Variants in DYNC1I1 observed in about 807,000 individuals in gnomAD.
DYNC1I1 encodes cytoplasmic dynein 1 intermediate chain 1.
A neutral mutation model predicts 86.6 loss-of-function variants in DYNC1I1; 43 were observed. The observed-to-expected ratio is 0.50, with a 90% confidence interval of 0.39 to 0.64. The LOEUF is 0.64. Among genes scored for constraint, DYNC1I1 ranks in the 30% least tolerant of loss-of-function variants. The probability of loss-of-function intolerance (pLI) is 0.00; values close to 1 mark genes in which losing one functional copy is unlikely to be tolerated. For missense variants in DYNC1I1, 604 were observed against 788.8 expected (o/e 0.77, Z 2.81); for synonymous variants, 262 against 283.7 (o/e 0.92, Z 0.77).
chr7:95,908,121 C>G (rs1791224065), intron 6 of DYNC1I1, among the ~76,000 whole-genome samples: 1 of 152,112 alleles, frequency 6.6e-6, no homozygotes, highest in Admixed American at 6.6e-5. Context: ...TCATGAAATG[C>G]TCTTTTTAAC....
chr7:95,879,891 CTT>C (rs1790407969), intron 6 of DYNC1I1, among the ~76,000 whole-genome samples: 1 of 152,096 alleles, frequency 6.6e-6, no homozygotes, highest in Non-Finnish European at 1.5e-5. Flanking sequence ...ATGTAACTAA[CTT>C]ATCAATGGTT....
chr7:96,033,876 A>G (rs1345645231), intron 12 of DYNC1I1, among the ~76,000 whole-genome samples: 2 of 152,104 alleles, frequency 1.3e-5, no homozygotes, highest in Non-Finnish European at 2.9e-5. Flanking sequence ...TGGGTGTGCT[A>G]GCACATGTCT....
intron 5 of DYNC1I1, among the ~76,000 whole-genome samples, chr7:95,836,907 G>A (rs1281293814): frequency 6.6e-6 from 1 of 151,380 alleles, no homozygotes; most frequent in Non-Finnish European, 1.5e-5. Flanking sequence ...TTTGCCTTTG[G>A]TTTGAATGTC....
chr7:95,971,275 G>A (rs1288407798), intron 6 of DYNC1I1, among the ~76,000 whole-genome samples: 4 of 152,016 alleles, frequency 2.6e-5, no homozygotes, highest in Admixed American at 2.6e-4. Flanking sequence ...TGAGACAAAA[G>A]GCATTACGCA....
intron 6 of DYNC1I1, among the ~76,000 whole-genome samples, chr7:95,945,828 A>G (rs114290425): frequency 0.017 from 2,567 of 152,300 alleles, 85 homozygotes; most frequent in African/African-American, 0.058. Flanking sequence ...GGAATGATAT[A>G]TTCTATTATA....
At chr7:96,081,145 G>A (rs543347143) in intron 16 of DYNC1I1, among the ~76,000 whole-genome samples, 32 of 151,332 alleles carry the variant, frequency 2.1e-4, no homozygotes, top group Non-Finnish European at 4.6e-4. Flanking sequence ...AGTTTTGGTT[G>A]GTATGTTCAA....
At chr7:96,030,372 G>GTA (rs1794781029) in intron 11 of DYNC1I1, among the ~76,000 whole-genome samples, 1 of 145,580 alleles carries the variant, frequency 6.9e-6, no homozygotes, top group Non-Finnish European at 1.5e-5. Context: ...GTGTGTGTGT[G>GTA]TGTGTAGGCA....
intron 16 of DYNC1I1, among the ~76,000 whole-genome samples, chr7:96,089,459 GT>G (rs1331103667): frequency 6.6e-6 from 1 of 152,090 alleles, no homozygotes; most frequent in Non-Finnish European, 1.5e-5. Flanking sequence ...TAGCCTCCAA[GT>G]TGGCTACAGA....
At chr7:95,986,975 G>A in intron 8 of DYNC1I1, 81 bp from the exon 9 acceptor site, 1 of 1,265,940 alleles carries the variant, frequency 7.9e-7, no homozygotes, top group South Asian at 1.3e-5. Context: ...TGTGTGCCAG[G>A]CTTTTGCCAT....
intron 5 of DYNC1I1, among the ~76,000 whole-genome samples, chr7:95,857,483 G>C (rs1280198412): frequency 6.6e-6 from 1 of 152,174 alleles, no homozygotes; most frequent in African/African-American, 2.4e-5. Flanking sequence ...TGGAAGAGGA[G>C]CTGGGTCATG....
chr7:96,098,609 GT>G (rs1033721757), downstream of DYNC1I1, among the ~76,000 whole-genome samples: 1 of 152,120 alleles, frequency 6.6e-6, no homozygotes, highest in East Asian at 1.9e-4. Flanking sequence ...AATGTGTGTG[GT>G]TTTTTTGGAA....
chr7:95,945,205 G>A (rs1163441445), intron 6 of DYNC1I1, among the ~76,000 whole-genome samples: 1 of 151,932 alleles, frequency 6.6e-6, no homozygotes, highest in Non-Finnish European at 1.5e-5. Context: ...TATGTATTTG[G>A]AGGTAGAGGG....
intron 6 of DYNC1I1, among the ~76,000 whole-genome samples, chr7:95,960,225 G>T (rs996332328): frequency 6.6e-6 from 1 of 152,118 alleles, no homozygotes; most frequent in South Asian, 2.1e-4. Flanking sequence ...AACTGCCTCA[G>T]CCTCCCGAGT....
intron 1 of DYNC1I1, among the ~76,000 whole-genome samples, chr7:95,796,808 G>C (rs1315083081): frequency 6.6e-6 from 1 of 151,794 alleles, no homozygotes; most frequent in African/African-American, 2.4e-5. Flanking sequence ...GGAACCCCTA[G>C]GGGTTCCCCA....
intron 14 of DYNC1I1, among the ~76,000 whole-genome samples, chr7:96,068,580 G>C (rs1790064837): frequency 6.6e-6 from 1 of 151,990 alleles, no homozygotes. Flanking sequence ...GATAAATCTG[G>C]GCACTTGGGT....
At chr7:96,060,104 C>T (rs1441254928) in intron 14 of DYNC1I1, among the ~76,000 whole-genome samples, 1 of 152,160 alleles carries the variant, frequency 6.6e-6, no homozygotes, top group Non-Finnish European at 1.5e-5. Flanking sequence ...CAAGTGGATG[C>T]TTCACTGAAA....
rs1401476355 is a variant in DYNC1I1 at position 95,804,482 on chromosome 7, CCTTGTATTT to C, written c.-9-235_-9-227del. The C allele has an allele frequency of 4.6e-6, 4 of 877,964 alleles. No homozygotes were observed. The African/African-American group carries it at 6.9e-5, about 15-fold the overall frequency. The allele number at this position is 877,964 out of a possible 1,614,324, so 54.4% of individuals were successfully genotyped here. ...GATTCTTGCTTAGGCCACATAATAA[CCTTGTATTT>C]CTTCAGATATTTATGTATATATACC... On this transcript the variant is annotated intron_variant, in intron 1 of 16. Transcript: ENST00000447467.
At chr7:96,048,084 T>A (rs1789273748) in intron 14 of DYNC1I1, among the ~76,000 whole-genome samples, 1 of 152,014 alleles carries the variant, frequency 6.6e-6, no homozygotes, top group South Asian at 2.1e-4. Flanking sequence ...CTGTTAACGA[T>A]GATGGGAACT....
chr7:95,893,226 A>G (rs1427117383), intron 6 of DYNC1I1, among the ~76,000 whole-genome samples: 1 of 152,186 alleles, frequency 6.6e-6, no homozygotes, highest in East Asian at 1.9e-4. Context: ...CAGACAAAAA[A>G]TTCAACTATT....
Sources: gnomAD v4.1 joint callset for allele counts (sites outside exome capture counted in the v4.1 genomes callset) on GRCh38, gnomAD v4.1.1 for gene constraint, MANE v1.5 for transcripts, NCBI Gene and HGNC (gene_info 2026-07-23, HGNC 2026-07-21) for gene names.